The following MAGI1 variants were observed in gnomAD, a reference collection of about 807,000 sequenced individuals.
MAGI1 encodes the protein membrane associated guanylate kinase, WW and PDZ domain containing 1, also known as membrane-associated guanylate kinase, WW and PDZ domain-containing protein 1.
A neutral mutation model predicts 139.9 loss-of-function variants in MAGI1; 58 were observed. The ratio of observed to expected loss-of-function variants is 0.41; its 90% confidence interval spans 0.34 to 0.52. The LOEUF is 0.52. Among genes scored for constraint, MAGI1 ranks in the 20% least tolerant of loss-of-function variants. The pLI is 0.12. For missense variants in MAGI1, 1,874 were observed against 1,901.6 expected, an observed-to-expected ratio of 0.99 and a Z score of 0.27; for synonymous variants, 812 against 737.9, an observed-to-expected ratio of 1.10 and a Z score of -1.63.
At chr3:65,527,450 G>C (rs2078438043) in intron 2 of MAGI1, among the ~76,000 whole-genome samples, 1 of 152,144 alleles carries the variant, frequency 6.6e-6, no homozygotes, top group Non-Finnish European at 1.5e-5. Flanking sequence ...AGTTGGCCGG[G>C]CGTGGTGGCT....
intron 2 of MAGI1, among the ~76,000 whole-genome samples, chr3:65,522,971 G>A (rs944138982): frequency 1.3e-5 from 2 of 152,056 alleles, no homozygotes; most frequent in Non-Finnish European, 2.9e-5. Flanking sequence ...ATACAAAAAG[G>A]TTGGGCTTAG....
chr3:65,518,182 A>G (rs571562039), intron 2 of MAGI1, among the ~76,000 whole-genome samples: 2 of 152,110 alleles, frequency 1.3e-5, no homozygotes, highest in East Asian at 1.9e-4. Context: ...CCTAAAGACT[A>G]TCTTAACCCC....
intron 1 of MAGI1, among the ~76,000 whole-genome samples, chr3:65,672,936 C>G (rs1327700337): frequency 6.6e-6 from 1 of 152,152 alleles, no homozygotes; most frequent in African/African-American, 2.4e-5. Flanking sequence ...AGGCCATAAT[C>G]AAGTATGATA....
chr3:66,018,487 C>T (rs569867509), intron 1 of MAGI1, among the ~76,000 whole-genome samples: 17 of 152,208 alleles, frequency 1.1e-4, no homozygotes, highest in African/African-American at 4.1e-4. Flanking sequence ...GATGCAGAAA[C>T]TGAGGCACAG....
intron 2 of MAGI1, among the ~76,000 whole-genome samples, chr3:65,570,165 C>G (rs1397419130): frequency 1.3e-5 from 2 of 150,580 alleles, no homozygotes; most frequent in East Asian, 3.9e-4. Flanking sequence ...TACAGTGGTG[C>G]GATCTTGGCT....
intron 1 of MAGI1, among the ~76,000 whole-genome samples, chr3:65,879,973 T>C (rs2060260306): frequency 6.6e-6 from 1 of 152,184 alleles, no homozygotes; most frequent in South Asian, 2.1e-4. Context: ...ATCTGTGTGA[T>C]TAAAAAGTTG....
intron 2 of MAGI1, among the ~76,000 whole-genome samples, chr3:65,620,357 C>T (rs6809558): frequency 0.78 from 117,840 of 152,034 alleles, 46,561 homozygotes; most frequent in African/African-American, 0.85. Context: ...TGACCCTCCC[C>T]GTGACTTTGT....
chr3:65,664,007 A>G (rs553311379), intron 1 of MAGI1, among the ~76,000 whole-genome samples: 1 of 152,324 alleles, frequency 6.6e-6, no homozygotes, highest in East Asian at 1.9e-4. Context: ...TTAAATCCTC[A>G]TGAAGAAATA....
intron 1 of MAGI1, among the ~76,000 whole-genome samples, chr3:66,004,778 G>C (rs1279374445): frequency 6.6e-6 from 1 of 152,146 alleles, no homozygotes; most frequent in Non-Finnish European, 1.5e-5. Context: ...CTGAGTCTCA[G>C]GCATCTTCGA....
intron 9 of MAGI1, among the ~76,000 whole-genome samples, chr3:65,438,568 T>A (rs769651428): frequency 6.6e-6 from 1 of 152,214 alleles, no homozygotes; most frequent in Non-Finnish European, 1.5e-5. Flanking sequence ...GTAGATAACA[T>A]TTCAATGGGT....
chr3:65,904,834 T>G (rs917965419), intron 1 of MAGI1, among the ~76,000 whole-genome samples: 1 of 152,288 alleles, frequency 6.6e-6, no homozygotes, highest in East Asian at 1.9e-4. Flanking sequence ...ACCTGCCACA[T>G]GGGGAGGGTG....
At chr3:65,732,825 T>C (rs1180157788) in intron 1 of MAGI1, among the ~76,000 whole-genome samples, 1 of 151,672 alleles carries the variant, frequency 6.6e-6, no homozygotes, top group Non-Finnish European at 1.5e-5. Flanking sequence ...CTAAGAAGTA[T>C]CTTTAAGGTC....
rs559403223 is a variant in MAGI1, at chr3:65,666,265, G to T, written c.314-44177C>A. ...CTATTATCTTAGTAGCCAGGGCACT[G>T]TACAAAGAGCATTAAAAGATAATCA... is the stretch of plus-strand genomic sequence containing the variant. On this transcript the variant is annotated intron_variant, in intron 1 of 22. Coordinates refer to ENST00000402939, the MANE Select transcript of MAGI1 (RefSeq NM_001033057.2). Among the ~76,000 whole-genome samples the T allele has an allele frequency of 3.0e-4, 45 of 152,288 alleles. No individual in the cohort carries two copies. The South Asian group carries it at 9.3e-3, about 32-fold the overall frequency.
chr3:65,463,713 C>G (rs566763409), intron 5 of MAGI1, among the ~76,000 whole-genome samples: 57 of 152,104 alleles, frequency 3.7e-4, no homozygotes, highest in African/African-American at 1.3e-3. Flanking sequence ...ACCAGCTCCT[C>G]TGTATAACTC....
At chr3:65,582,128 C>A (rs923280424) in intron 2 of MAGI1, among the ~76,000 whole-genome samples, 5 of 152,178 alleles carry the variant, frequency 3.3e-5, no homozygotes, top group Admixed American at 2.0e-4. Flanking sequence ...GTGTTTTAGA[C>A]ATGATTATAG....
chr3:65,891,837 C>T (rs12106946), intron 1 of MAGI1, among the ~76,000 whole-genome samples: 1 of 131,432 alleles, frequency 7.6e-6, no homozygotes, highest in Non-Finnish European at 1.6e-5. Flanking sequence ...TGTATACATA[C>T]GTAACAAACC....
intron 1 of MAGI1, among the ~76,000 whole-genome samples, chr3:65,703,622 T>C (rs533473991): frequency 6.6e-6 from 1 of 152,204 alleles, no homozygotes; most frequent in Admixed American, 6.5e-5. Context: ...ACTCAAAATG[T>C]GCAAAACTCA....
At chr3:65,530,622 GTGGTGTGTGTGTGT>G (rs2078605152) in intron 2 of MAGI1, among the ~76,000 whole-genome samples, 1 of 58,932 alleles carries the variant, frequency 1.7e-5, no homozygotes, top group East Asian at 5.7e-4. Flanking sequence ...GTATGTGTGT[GTGGTGTGTGTGTGT>G]GTGTGTGTGT....
At chr3:65,500,510 T>A (rs2077039903) in intron 2 of MAGI1, among the ~76,000 whole-genome samples, 2 of 152,330 alleles carry the variant, frequency 1.3e-5, no homozygotes, top group African/African-American at 4.8e-5. Flanking sequence ...ACCTTCCTTA[T>A]CACTGAAATC....
Sources: gnomAD v4.1 joint callset for allele counts (sites outside exome capture counted in the v4.1 genomes callset) on GRCh38, gnomAD v4.1.1 for gene constraint, MANE v1.5 for transcripts, NCBI Gene and HGNC (gene_info 2026-07-23, HGNC 2026-07-21) for gene names.